Variants in TAS2R1 observed in about 807,000 individuals in gnomAD.
TAS2R1 encodes the protein taste 2 receptor member 1.
For synonymous variants in TAS2R1, 141 were observed against 134.2 expected, an observed-to-expected ratio of 1.05 and a Z score of -0.35; for missense variants, 370 against 353.4, an observed-to-expected ratio of 1.05 and a Z score of -0.38.
At chr5:9,845,719 A>C in the TAS2R1 span, among the ~76,000 whole-genome samples, 1 of 152,250 alleles carries the variant, frequency 6.6e-6, no homozygotes, top group Admixed American at 6.5e-5. Flanking sequence ...AGCCTAAATT[A>C]AGGACCAAGT....
chr5:9,870,203 C>T, the TAS2R1 span: 1 of 152,248 alleles, frequency 6.6e-6, no homozygotes. Context: ...CTTTCATCCA[C>T]ATTCACAGCT....
At chr5:9,757,115 AT>A in the TAS2R1 span, among the ~76,000 whole-genome samples, 1 of 152,214 alleles carries the variant, frequency 6.6e-6, no homozygotes, top group Non-Finnish European at 1.5e-5. Flanking sequence ...AACCAAGGAA[AT>A]AAACCCATCA....
the TAS2R1 span, among the ~76,000 whole-genome samples, chr5:9,868,576 G>A: frequency 1.3e-5 from 2 of 152,176 alleles, no homozygotes; most frequent in African/African-American, 2.4e-5. Context: ...CAGAGCCTGT[G>A]ATGGGAGGGA....
At chr5:9,785,515 T>C in the TAS2R1 span, among the ~76,000 whole-genome samples, 3 of 152,214 alleles carry the variant, frequency 2.0e-5, no homozygotes, top group Non-Finnish European at 4.4e-5. Flanking sequence ...CCTTTATCTT[T>C]GTGGAGATTT....
chr5:9,873,430 T>G, the TAS2R1 span, among the ~76,000 whole-genome samples: 2 of 151,046 alleles, frequency 1.3e-5, no homozygotes, highest in Admixed American at 1.3e-4. Flanking sequence ...TTTTAACCTC[T>G]TCTCGTATTG....
chr5:9,900,844 CG>C, the TAS2R1 span, among the ~76,000 whole-genome samples: 9 of 152,082 alleles, frequency 5.9e-5, no homozygotes, highest in South Asian at 1.7e-3. Flanking sequence ...AGGATGGTCT[CG>C]ATCTCCTGAC....
At chr5:9,643,694 C>A (rs912526781) in intron 2 of TAS2R1, among the ~76,000 whole-genome samples, 1 of 152,190 alleles carries the variant, frequency 6.6e-6, no homozygotes, top group South Asian at 2.1e-4. Flanking sequence ...ATTGTATATG[C>A]AGTCCACTGT....
chr5:9,735,663 A>G, the TAS2R1 span, among the ~76,000 whole-genome samples: 1 of 152,198 alleles, frequency 6.6e-6, no homozygotes, highest in Non-Finnish European at 1.5e-5. Context: ...TGAAAACTAC[A>G]GTTGCGATGT....
chr5:9,880,169 T>G, the TAS2R1 span, among the ~76,000 whole-genome samples: 358 of 152,308 alleles, frequency 2.4e-3, 1 homozygote, highest in Admixed American at 5.5e-3. Flanking sequence ...GGAAAAATAT[T>G]TACCTCTTTA....
intron 2 of TAS2R1, among the ~76,000 whole-genome samples, chr5:9,638,851 G>C (rs544503646): frequency 9.2e-5 from 14 of 152,286 alleles, no homozygotes; most frequent in African/African-American, 3.4e-4. Context: ...ATATATTCCA[G>C]AGAGAATCTT....
chr5:9,820,960 C>T, the TAS2R1 span, among the ~76,000 whole-genome samples: 7 of 151,992 alleles, frequency 4.6e-5, no homozygotes, highest in Non-Finnish European at 8.8e-5. Flanking sequence ...AACATGAATC[C>T]CGGGAAAGAG....
chr5:9,865,487 C>A, the TAS2R1 span, among the ~76,000 whole-genome samples: 3 of 152,116 alleles, frequency 2.0e-5, no homozygotes, highest in African/African-American at 7.2e-5. Flanking sequence ...TTTCCATTTT[C>A]TGTTGGTCTT....
At chr5:9,633,008 T>C (rs142132261), upstream of TAS2R1, among the ~76,000 whole-genome samples, 1,065 of 152,146 alleles carry the variant, frequency 7.0e-3, 11 homozygotes, top group African/African-American at 0.024. Flanking sequence ...CTATGGCAGC[T>C]GTAGCCTTAT....
At chr5:9,797,135 T>C in the TAS2R1 span, among the ~76,000 whole-genome samples, 2 of 152,172 alleles carry the variant, frequency 1.3e-5, no homozygotes, top group Non-Finnish European at 2.9e-5. Context: ...GATGAGAGGA[T>C]GTCACAACTG....
At chr5:9,740,504 C>T in the TAS2R1 span, among the ~76,000 whole-genome samples, 1,322 of 152,280 alleles carry the variant, frequency 8.7e-3, 17 homozygotes, top group African/African-American at 0.03. Flanking sequence ...ATTTCAAAGC[C>T]AACGAGTTAA....
chr5:9,823,322 T>C, the TAS2R1 span, among the ~76,000 whole-genome samples: 24 of 152,234 alleles, frequency 1.6e-4, no homozygotes, highest in African/African-American at 5.5e-4. Flanking sequence ...TTTTTCCTCA[T>C]GCTCTCACCC....
At chr5:9,688,610 GCTCT>G (rs1194048177) in intron 1 of TAS2R1, among the ~76,000 whole-genome samples, 2 of 152,062 alleles carry the variant, frequency 1.3e-5, no homozygotes, top group Admixed American at 1.3e-4. Flanking sequence ...CTCTTTTTCT[GCTCT>G]CTTTTTGTCA....
the TAS2R1 span, among the ~76,000 whole-genome samples, chr5:9,887,881 G>A: frequency 3.9e-5 from 6 of 152,138 alleles, no homozygotes; most frequent in East Asian, 1.9e-4. Flanking sequence ...AGAATTTTGC[G>A]TGGAATCTCC....
At chr5:9,711,706 G>A (rs1734668077) in intron 1 of TAS2R1, among the ~76,000 whole-genome samples, 1 of 152,030 alleles carries the variant, frequency 6.6e-6, no homozygotes, top group South Asian at 2.1e-4. Flanking sequence ...CTCACTCTGT[G>A]GCCCAGGCTG....
Sources: allele counts gnomAD v4.1 joint callset (sites outside exome capture counted in the v4.1 genomes callset), GRCh38; gene constraint gnomAD v4.1.1; transcripts MANE v1.5; gene names NCBI Gene and HGNC (gene_info 2026-07-23, HGNC 2026-07-21).